Variants in TLL2 observed in about 807,000 individuals in gnomAD.
TLL2 encodes tolloid-like protein 2.
In TLL2, 106 loss-of-function variants were observed where a neutral mutation model predicts 123.0. That is an observed-to-expected ratio of 0.86 (90% confidence interval 0.74 to 1.01). The LOEUF (loss-of-function observed/expected upper bound fraction) is 1.01. Ranked by LOEUF, TLL2 falls within the 50% of genes least tolerant of loss-of-function variation. TLL2 has a pLI of 0.00. For synonymous variants in TLL2, 494 were observed against 516.8 expected, an observed-to-expected ratio of 0.96 and a Z score of 0.60; for missense variants, 1,332 against 1,336.7, an observed-to-expected ratio of 1.00 and a Z score of 0.06.
intron 2 of TLL2, among the ~76,000 whole-genome samples, chr10:96,447,921 TCTTCCCTGGC>T (rs1846914738): frequency 6.6e-6 from 1 of 151,982 alleles, no homozygotes; most frequent in South Asian, 2.1e-4. Context: ...CACCCGGTGG[TCTTCCCTGGC>T]CCCACAGATA....
At chr10:96,465,675 G>C (rs903189389) in intron 2 of TLL2, among the ~76,000 whole-genome samples, 5 of 152,326 alleles carry the variant, frequency 3.3e-5, no homozygotes, top group Admixed American at 2.0e-4. Context: ...ACCCAAGGTG[G>C]TGCCTCTTAC....
chr10:96,465,802 G>A (rs1247411929), intron 2 of TLL2, among the ~76,000 whole-genome samples: 1 of 152,184 alleles, frequency 6.6e-6, no homozygotes, highest in Non-Finnish European at 1.5e-5. Flanking sequence ...TGGGGACTGC[G>A]GCTCACCATG....
intron 5 of TLL2, among the ~76,000 whole-genome samples, chr10:96,427,942 G>C (rs1055325816): frequency 4.6e-5 from 7 of 152,112 alleles, no homozygotes; most frequent in Non-Finnish European, 1.0e-4. Flanking sequence ...TTACAGGCAT[G>C]TGCCACCACA....
chr10:96,387,220 A>T, intron 13 of TLL2, 142 bp from the exon 14 acceptor site: 2 of 1,213,958 alleles, frequency 1.6e-6, no homozygotes, highest in Non-Finnish European at 2.3e-6. Context: ...AAAGAGTGCC[A>T]TGTCCACCTC....
At position 96,428,723 on chromosome 10, in the gene TLL2, C is replaced by A; in HGVS notation, c.546G>T (p.Gln182His). 6.2e-7 allele frequency: 1 copy of A among 1,613,788 alleles called. No individual in the cohort carries two copies. The highest frequency in any genetic ancestry group is 2.2e-5 in the East Asian group (1 of 44,874). ...TGTGCTTCTCCCAGTGTCTCATGGC[C>A]TGCTTAAAAATGGCCCTCTGGCTCC... ...FTGSQRAIFK[Q>H]AMRHWEKHTC... The change falls in exon 5 of 21, where the codon CAG becomes CAT. Residue 182 changes from glutamine (Q) to histidine (H), a missense_variant. Coordinates refer to ENST00000357947, the MANE Select transcript of TLL2 (RefSeq NM_012465.4).
At chr10:96,396,765 A>T (rs1254507825) in intron 11 of TLL2, among the ~76,000 whole-genome samples, 2 of 152,028 alleles carry the variant, frequency 1.3e-5, no homozygotes, top group African/African-American at 4.8e-5. Context: ...CGCAGTTGGA[A>T]ATTCCTTGAT....
chr10:96,480,538 TG>T, intron 1 of TLL2, 79 bp from the exon 2 acceptor site: 5 of 1,130,564 alleles, frequency 4.4e-6, no homozygotes, highest in South Asian at 1.3e-5. Flanking sequence ...CAAAGGGCAT[TG>T]GGTGTTGGGT....
At chr10:96,477,879 C>T (rs780058591) in intron 2 of TLL2, among the ~76,000 whole-genome samples, 3 of 152,196 alleles carry the variant, frequency 2.0e-5, no homozygotes, top group Non-Finnish European at 4.4e-5. Context: ...CATCTGCCTC[C>T]ATCTCCTCTC....
At chr10:96,488,506 G>A (rs1470445192) in intron 1 of TLL2, among the ~76,000 whole-genome samples, 3 of 152,192 alleles carry the variant, frequency 2.0e-5, no homozygotes, top group African/African-American at 7.2e-5. Flanking sequence ...CTTGCCCCAG[G>A]ATCCCATGGA....
At chr10:96,495,358 T>G (rs1847461083) in intron 1 of TLL2, among the ~76,000 whole-genome samples, 1 of 152,168 alleles carries the variant, frequency 6.6e-6, no homozygotes. Flanking sequence ...TCTGTGAATC[T>G]TTGTCAAGGG....
intron 15 of TLL2, 84 bp from the exon 16 acceptor site, chr10:96,384,851 G>A: frequency 7.4e-7 from 1 of 1,357,586 alleles, no homozygotes; most frequent in Non-Finnish European, 9.9e-7. Context: ...TGCTTCCTGA[G>A]CGCCTCACCC....
intron 10 of TLL2, among the ~76,000 whole-genome samples, chr10:96,403,715 TAA>T (rs907109434): frequency 2.0e-5 from 3 of 152,090 alleles, no homozygotes; most frequent in Non-Finnish European, 4.4e-5. Flanking sequence ...GGTGGATTAG[TAA>T]AAGAGGAAAG....
chr10:96,476,240 A>ATATATATATATATATATTTTTTTTTTTTT lies in TLL2; in HGVS notation c.286+4108_286+4109insAAAAAAAAAAAAATATATATATATATATA. ...TTTATATGTATATATATATATATAT[A>ATATATATATATATATATTTTTTTTTTTTT]TTTTATTTTTGTTGTTGTTGTTGTT... On this transcript the variant is annotated intron_variant, in intron 2 of 20. Coordinates refer to ENST00000357947, the MANE Select transcript of TLL2 (RefSeq NM_012465.4). Among the ~76,000 whole-genome samples, 5 of 20,484 alleles carry ATATATATATATATATATTTTTTTTTTTTT rather than the reference A, an allele frequency of 2.4e-4. 1 individual carries two copies. The highest frequency in any genetic ancestry group is 5.2e-4 in the Admixed American group (1 of 1,914). The allele number at this position is 20,484 out of a possible 152,430, so 13.4% of individuals were successfully genotyped here.
chr10:96,420,937 C>G lies in TLL2; in HGVS notation c.923+19G>C. Reference sequence around the variant, plus strand: ...CAGGCACAGTAAAACACAGACGAGGCATAAGCATAGATTCCGACCTTGAGA... The same window carrying G: ...CAGGCACAGTAAAACACAGACGAGGGATAAGCATAGATTCCGACCTTGAGA... On this transcript the variant is annotated intron_variant, in intron 7 of 20. Transcript: ENST00000357947. The G allele has an allele frequency of 1.2e-6, 2 of 1,610,242 alleles. No individual in the cohort carries two copies. The highest frequency in any genetic ancestry group is 1.7e-6 in the Non-Finnish European group (2 of 1,176,494).
At chr10:96,424,045 C>T (rs1438830688) in intron 5 of TLL2, among the ~76,000 whole-genome samples, 2 of 152,074 alleles carry the variant, frequency 1.3e-5, no homozygotes, top group Admixed American at 6.6e-5. Flanking sequence ...AAGTGAAATA[C>T]GCCAGGCACA....
chr10:96,490,205 TA>T (rs1407814512), intron 1 of TLL2, among the ~76,000 whole-genome samples: 1 of 152,188 alleles, frequency 6.6e-6, no homozygotes, highest in Non-Finnish European at 1.5e-5. Flanking sequence ...TACTAAAAGC[TA>T]TAAAAAGTGA....
intron 9 of TLL2, among the ~76,000 whole-genome samples, chr10:96,407,091 C>T (rs1319531244): frequency 1.3e-5 from 2 of 152,048 alleles, no homozygotes; most frequent in African/African-American, 4.8e-5. Context: ...CCCAATCTTC[C>T]ACCCATATAT....
Position 96,476,216 on chromosome 10 carries a change from T to TATATATA in TLL2, c.286+4132_286+4133insTATATAT. Among the ~76,000 whole-genome samples the TATATATA allele has an allele frequency of 6.0e-5, 2 of 33,354 alleles. 1 individual carries two copies. Among genetic ancestry groups the TATATATA allele is most frequent in the African/African-American group, 1.7e-4 (2 of 11,464 alleles). The allele number at this position is 33,354 out of a possible 152,430, so 21.9% of individuals were successfully genotyped here. On this transcript the variant is annotated intron_variant, in intron 2 of 20. Coordinates refer to ENST00000357947, the MANE Select transcript of TLL2 (RefSeq NM_012465.4). Reference sequence around the variant, plus strand: ...ATAAAGGTGTGGTTCCTTTTTAATTTTATATGTATATATATATATATATAT... The same window carrying TATATATA: ...ATAAAGGTGTGGTTCCTTTTTAATTTATATATATATATGTATATATATATATATATAT...
At chr10:96,421,156 A>G in intron 6 of TLL2, 95 bp from the exon 7 acceptor site, 2 of 874,590 alleles carry the variant, frequency 2.3e-6, no homozygotes, top group Non-Finnish European at 3.8e-6. Context: ...ACAACTTCCC[A>G]GGGCTCTCTT....
Sources: gnomAD v4.1 joint callset for allele counts (sites outside exome capture counted in the v4.1 genomes callset) on GRCh38, gnomAD v4.1.1 for gene constraint, MANE v1.5 for transcripts, NCBI Gene and HGNC (gene_info 2026-07-23, HGNC 2026-07-21) for gene names.